CSMD1: variants seen among roughly 807,000 people sequenced by gnomAD.
CSMD1 encodes the protein CUB and Sushi multiple domains 1, also known as CUB and sushi domain-containing protein 1.
Under a neutral mutation model 417.5 loss-of-function variants are expected in CSMD1, and 213 were observed. The ratio of observed to expected loss-of-function variants is 0.51; its 90% CI spans 0.46 to 0.57. CSMD1 has a LOEUF of 0.57. Ranked by LOEUF, CSMD1 falls within the 20% of genes least tolerant of loss-of-function variation. The pLI, the probability that CSMD1 is intolerant of heterozygous loss-of-function variation, is 0.00. For synonymous variants in CSMD1, 2,862 were observed against 1,736.8 expected (o/e 1.65, Z -16.11); for missense variants, 6,923 against 4,529.7 (o/e 1.53, Z -15.17).
chr8:3,755,361 AC>A (rs1406877937), intron 5 of CSMD1, among the ~76,000 whole-genome samples: 1 of 152,250 alleles, frequency 6.6e-6, no homozygotes, highest in East Asian at 1.9e-4. Flanking sequence ...ATGTAAATGT[AC>A]CTGAAGCACA....
intron 7 of CSMD1, among the ~76,000 whole-genome samples, chr8:3,667,835 T>G (rs1384857295): frequency 6.6e-6 from 1 of 152,158 alleles, no homozygotes; most frequent in African/African-American, 2.4e-5. Context: ...GCAGGCATCC[T>G]GGAGTGTCTG....
chr8:3,819,366 G>T (rs780389151), intron 5 of CSMD1, among the ~76,000 whole-genome samples: 3 of 152,096 alleles, frequency 2.0e-5, no homozygotes, highest in Non-Finnish European at 4.4e-5. Flanking sequence ...TATCATTATA[G>T]CTACCCTCTT....
intron 1 of CSMD1, among the ~76,000 whole-genome samples, chr8:4,795,595 T>C (rs186756479): frequency 1.4e-4 from 21 of 152,162 alleles, no homozygotes; most frequent in Admixed American, 1.4e-3. Flanking sequence ...ATTTTCTGTT[T>C]TTTCTTCTTT....
chr8:4,024,612 G>T (rs1274844922), intron 4 of CSMD1, among the ~76,000 whole-genome samples: 1 of 152,056 alleles, frequency 6.6e-6, no homozygotes, highest in Non-Finnish European at 1.5e-5. Context: ...ATTTCTTAAG[G>T]TTCTTTGAGG....
At chr8:3,164,766 C>T (rs930666369) in intron 37 of CSMD1, among the ~76,000 whole-genome samples, 3 of 152,088 alleles carry the variant, frequency 2.0e-5, no homozygotes, top group East Asian at 1.9e-4. Flanking sequence ...AAACAGGTTC[C>T]AAATATCAAG....
chr8:4,203,407 T>G (rs1312097489), intron 3 of CSMD1, among the ~76,000 whole-genome samples: 1 of 152,200 alleles, frequency 6.6e-6, no homozygotes, highest in African/African-American at 2.4e-5. Context: ...TCTATGCCAC[T>G]ACATTTGTGG....
intron 21 of CSMD1, among the ~76,000 whole-genome samples, chr8:3,356,527 T>G (rs1454739732): frequency 5.3e-5 from 8 of 151,956 alleles, no homozygotes; most frequent in African/African-American, 1.7e-4. Context: ...ATACAAAAAT[T>G]AGCCGGGCGT....
At chr8:4,951,656 T>C (rs1213852336) in intron 1 of CSMD1, among the ~76,000 whole-genome samples, 1 of 152,022 alleles carries the variant, frequency 6.6e-6, no homozygotes, top group East Asian at 1.9e-4. Flanking sequence ...ATGTTTTATC[T>C]GGATTTCCTA....
At chr8:3,563,324 G>C (rs927537791) in intron 10 of CSMD1, among the ~76,000 whole-genome samples, 2 of 150,792 alleles carry the variant, frequency 1.3e-5, no homozygotes, top group Non-Finnish European at 2.9e-5. Flanking sequence ...GAATATAAAA[G>C]GTTTTGCTTT....
intron 5 of CSMD1, among the ~76,000 whole-genome samples, chr8:3,959,029 C>G (rs766742384): frequency 1.3e-5 from 2 of 152,204 alleles, no homozygotes; most frequent in African/African-American, 4.8e-5. Flanking sequence ...GGCGGCTTCT[C>G]CATGCTCCTC....
chr8:3,966,945 T>C (rs1326609511), intron 5 of CSMD1, among the ~76,000 whole-genome samples: 1 of 152,230 alleles, frequency 6.6e-6, no homozygotes, highest in African/African-American at 2.4e-5. Flanking sequence ...GATCAAGAGA[T>C]AATTCAAATT....
At chr8:4,972,259 T>A (rs948795615) in intron 1 of CSMD1, among the ~76,000 whole-genome samples, 3 of 152,010 alleles carry the variant, frequency 2.0e-5, no homozygotes, top group Non-Finnish European at 4.4e-5. Flanking sequence ...AATGGGACAC[T>A]GATATTGTTT....
chr8:4,194,699 A>G (rs1647311), intron 3 of CSMD1, among the ~76,000 whole-genome samples: 24,816 of 152,088 alleles, frequency 0.16, 2,196 homozygotes, highest in East Asian at 0.31. Flanking sequence ...ACACAAAGCC[A>G]TTTGCCAAAG....
At chr8:4,449,302 T>C (rs1220132193) in intron 2 of CSMD1, among the ~76,000 whole-genome samples, 2 of 152,214 alleles carry the variant, frequency 1.3e-5, no homozygotes, top group Non-Finnish European at 2.9e-5. Flanking sequence ...CAGGAGCAGA[T>C]GAAAAGACTC....
intron 5 of CSMD1, among the ~76,000 whole-genome samples, chr8:3,965,832 C>T (rs915674141): frequency 3.9e-5 from 6 of 151,932 alleles, no homozygotes; most frequent in African/African-American, 7.3e-5. Flanking sequence ...TTGGCCAGGC[C>T]GGTCTTGAAC....
At chr8:3,783,482 C>T (rs1010685853) in intron 5 of CSMD1, among the ~76,000 whole-genome samples, 11 of 152,164 alleles carry the variant, frequency 7.2e-5, no homozygotes, top group Non-Finnish European at 1.2e-4. Context: ...TGTGAGGCGG[C>T]CCTGCAGTGC....
chr8:4,170,832 T>C (rs1797726374), intron 3 of CSMD1, among the ~76,000 whole-genome samples: 4 of 151,924 alleles, frequency 2.6e-5, no homozygotes, highest in Admixed American at 1.3e-4. Flanking sequence ...TTCTCTCATT[T>C]ATAACATAAG....
At chr8:4,608,511 A>G (rs961934290) in intron 2 of CSMD1, among the ~76,000 whole-genome samples, 1 of 152,222 alleles carries the variant, frequency 6.6e-6, no homozygotes, top group East Asian at 1.9e-4. Flanking sequence ...GAGTGTTTAA[A>G]TGTGGAATCT....
intron 1 of CSMD1, among the ~76,000 whole-genome samples, chr8:4,857,376 C>A (rs1278008611): frequency 1.3e-5 from 2 of 151,772 alleles, no homozygotes; most frequent in Admixed American, 1.3e-4. Context: ...CAAGAGCAAA[C>A]ACATTCAAAA....
Sources: allele counts gnomAD v4.1 joint callset (sites outside exome capture counted in the v4.1 genomes callset), GRCh38; gene constraint gnomAD v4.1.1; transcripts MANE v1.5; gene names NCBI Gene and HGNC (gene_info 2026-07-23, HGNC 2026-07-21).